Variants in AKAP19 observed in about 807,000 individuals in gnomAD.
The protein encoded by AKAP19 is A-kinase anchoring protein 19.
chr2:189,952,358 A>G, the AKAP19 span, among the ~76,000 whole-genome samples: 2 of 152,194 alleles, frequency 1.3e-5, no homozygotes, highest in Non-Finnish European at 2.9e-5. Flanking sequence ...AAGCTGGTCA[A>G]TGGTACTTCA....
At chr2:190,143,265 G>A in the AKAP19 span, among the ~76,000 whole-genome samples, 2 of 112,880 alleles carry the variant, frequency 1.8e-5, no homozygotes, top group African/African-American at 3.4e-5. Flanking sequence ...TATTATTCCT[G>A]TCAAACTTTA....
chr2:189,910,791 A>C, the AKAP19 span, among the ~76,000 whole-genome samples: 1 of 152,094 alleles, frequency 6.6e-6, no homozygotes, highest in East Asian at 1.9e-4. Flanking sequence ...GATATGTAGC[A>C]TATGTAAACT....
the AKAP19 span, among the ~76,000 whole-genome samples, chr2:190,004,994 A>G: frequency 6.6e-6 from 1 of 152,312 alleles, no homozygotes; most frequent in South Asian, 2.1e-4. Flanking sequence ...CACAGTGAGC[A>G]TTACAGCTCT....
At chr2:189,979,978 A>C in the AKAP19 span, among the ~76,000 whole-genome samples, 3 of 152,210 alleles carry the variant, frequency 2.0e-5, no homozygotes, top group African/African-American at 7.2e-5. Context: ...TAGGAATGTA[A>C]AGTAGTTCAA....
At chr2:190,057,936 A>G in the AKAP19 span, among the ~76,000 whole-genome samples, 4 of 152,016 alleles carry the variant, frequency 2.6e-5, no homozygotes, top group African/African-American at 7.2e-5. Context: ...TCCTGAAAAT[A>G]TTTATGGGAA....
chr2:190,145,631 A>C, the AKAP19 span, among the ~76,000 whole-genome samples: 11 of 152,106 alleles, frequency 7.2e-5, no homozygotes, highest in Non-Finnish European at 1.2e-4. Flanking sequence ...CAGTACAGTC[A>C]CATGTGGTAC....
the AKAP19 span, among the ~76,000 whole-genome samples, chr2:190,054,269 G>A: frequency 1.3e-5 from 2 of 152,014 alleles, no homozygotes; most frequent in East Asian, 3.9e-4. Context: ...AATGGTGCTG[G>A]GAAAACTGGC....
the AKAP19 span, among the ~76,000 whole-genome samples, chr2:190,067,739 T>A: frequency 6.6e-6 from 1 of 152,138 alleles, no homozygotes; most frequent in Non-Finnish European, 1.5e-5. Context: ...ATTGCTGCAA[T>A]CCATTGTCCT....
At chr2:190,086,544 T>A in the AKAP19 span, among the ~76,000 whole-genome samples, 1 of 152,336 alleles carries the variant, frequency 6.6e-6, no homozygotes, top group Admixed American at 6.5e-5. Flanking sequence ...GAGGCCATAG[T>A]AGGTATTTGT....
chr2:189,988,716 G>C, the AKAP19 span, among the ~76,000 whole-genome samples: 1 of 152,166 alleles, frequency 6.6e-6, no homozygotes, highest in Non-Finnish European at 1.5e-5. Flanking sequence ...TTCCACAAAA[G>C]ACTGACTCTC....
chr2:190,084,873 A>T, the AKAP19 span, among the ~76,000 whole-genome samples: 1 of 152,220 alleles, frequency 6.6e-6, no homozygotes, highest in Non-Finnish European at 1.5e-5. Flanking sequence ...GGACAGATGG[A>T]GGGAATGCTG....
the AKAP19 span, among the ~76,000 whole-genome samples, chr2:190,134,583 A>C: frequency 1.3e-5 from 2 of 151,974 alleles, no homozygotes; most frequent in Non-Finnish European, 2.9e-5. Flanking sequence ...TAAAACCTTT[A>C]ATATTTTTAG....
chr2:190,084,353 A>G, the AKAP19 span, among the ~76,000 whole-genome samples: 11 of 152,126 alleles, frequency 7.2e-5, no homozygotes, highest in African/African-American at 1.9e-4. Flanking sequence ...TCAGCCTCCC[A>G]AAGTGCTGGG....
chr2:190,119,298 AGGGAACCCCGCGCTTAG>A, the AKAP19 span, among the ~76,000 whole-genome samples: 18 of 152,336 alleles, frequency 1.2e-4, no homozygotes, highest in South Asian at 3.5e-3. Flanking sequence ...AAGCTGAAAG[AGGGAACCCCGCGCTTAG>A]GTAGTATCAG....
At chr2:189,980,261 C>T in the AKAP19 span, among the ~76,000 whole-genome samples, 3 of 152,168 alleles carry the variant, frequency 2.0e-5, no homozygotes, top group Non-Finnish European at 4.4e-5. Flanking sequence ...TCCTTTGCAG[C>T]AACATGGATG....
At chr2:190,062,722 G>T in the AKAP19 span, 1 of 859,446 alleles carries the variant, frequency 1.2e-6, no homozygotes, top group Non-Finnish European at 1.8e-6. Flanking sequence ...TGCCACACCA[G>T]TGAATCTTTT....
At chr2:190,138,647 C>T in the AKAP19 span, among the ~76,000 whole-genome samples, 1 of 152,172 alleles carries the variant, frequency 6.6e-6, no homozygotes, top group Admixed American at 6.5e-5. Context: ...CCTCTGTGCC[C>T]TCAACCTTTT....
the AKAP19 span, among the ~76,000 whole-genome samples, chr2:189,959,671 G>T: frequency 6.6e-6 from 1 of 152,164 alleles, no homozygotes; most frequent in Non-Finnish European, 1.5e-5. Flanking sequence ...CTTGGTTTGA[G>T]AACACTAGTA....
At chr2:189,928,085 C>G in the AKAP19 span, among the ~76,000 whole-genome samples, 1 of 152,178 alleles carries the variant, frequency 6.6e-6, no homozygotes, top group African/African-American at 2.4e-5. Flanking sequence ...GAATTGTTTA[C>G]AGAATTAATT....
Sources: gnomAD v4.1 joint callset for allele counts (sites outside exome capture counted in the v4.1 genomes callset) on GRCh38, gnomAD v4.1.1 for gene constraint, MANE v1.5 for transcripts, NCBI Gene and HGNC (gene_info 2026-07-23, HGNC 2026-07-21) for gene names.